The following TUSC3 variants were observed in gnomAD, a reference collection of about 807,000 sequenced individuals.
TUSC3 encodes tumor suppressor candidate 3, also known as dolichyl-diphosphooligosaccharide--protein glycosyltransferase subunit TUSC3.
A neutral mutation model predicts 44.8 loss-of-function variants in TUSC3; 45 were observed. The ratio of observed to expected loss-of-function variants is 1.00; its 90% confidence interval spans 0.79 to 1.29. TUSC3 has a LOEUF of 1.29. TUSC3 is among the 50% of genes most tolerant of loss of function. TUSC3 has a pLI of 0.00. For synonymous variants in TUSC3, 212 were observed against 152.9 expected (o/e 1.39, Z -2.85); for missense variants, 519 against 437.9 (o/e 1.19, Z -1.65).
intron 2 of TUSC3, among the ~76,000 whole-genome samples, chr8:15,647,504 C>A (rs961793503): frequency 1.1e-4 from 17 of 152,074 alleles, no homozygotes; most frequent in Non-Finnish European, 2.4e-4. Context: ...CTTTTCATCT[C>A]GAAGTCTAAA....
chr8:15,710,000 A>G (rs1457622091), intron 6 of TUSC3, among the ~76,000 whole-genome samples: 1 of 151,754 alleles, frequency 6.6e-6, no homozygotes, highest in African/African-American at 2.4e-5. Context: ...TTTCTCCCCT[A>G]TTCCAGGATC....
intron 10 of TUSC3, among the ~76,000 whole-genome samples, chr8:15,760,137 C>G (rs965057740): frequency 2.0e-5 from 3 of 152,060 alleles, no homozygotes; most frequent in Non-Finnish European, 4.4e-5. Flanking sequence ...GTTGCTTCTT[C>G]ATTAAAATTC....
the TUSC3 span, among the ~76,000 whole-genome samples, chr8:15,781,467 T>G: frequency 6.6e-6 from 1 of 152,092 alleles, no homozygotes; most frequent in African/African-American, 2.4e-5. Context: ...AAGAGGGAAC[T>G]TTGAAGGCAG....
intron 1 of TUSC3, among the ~76,000 whole-genome samples, chr8:15,582,852 G>T (rs1047825643): frequency 2.6e-5 from 4 of 152,174 alleles, no homozygotes; most frequent in African/African-American, 9.7e-5. Context: ...CTTTAAATAT[G>T]ATATGTAACA....
chr8:15,842,061 A>G, the TUSC3 span, among the ~76,000 whole-genome samples: 19 of 152,184 alleles, frequency 1.2e-4, no homozygotes, highest in Non-Finnish European at 2.5e-4. Flanking sequence ...CAAGAATGTT[A>G]CCCACGTTTC....
chr8:15,455,377 A>G (rs1163264833), intron 1 of TUSC3, among the ~76,000 whole-genome samples: 1 of 152,074 alleles, frequency 6.6e-6, no homozygotes, highest in Non-Finnish European at 1.5e-5. Flanking sequence ...ATGTATATGT[A>G]TGTATATGTG....
At chr8:15,619,101 A>G (rs1265918065) in intron 1 of TUSC3, among the ~76,000 whole-genome samples, 1 of 152,192 alleles carries the variant, frequency 6.6e-6, no homozygotes, top group Non-Finnish European at 1.5e-5. Flanking sequence ...ATTCAAAGAA[A>G]AATCGTTTTG....
intron 2 of TUSC3, among the ~76,000 whole-genome samples, chr8:15,638,521 T>G (rs971634802): frequency 1.6e-5 from 2 of 123,618 alleles, no homozygotes; most frequent in African/African-American, 6.2e-5. Context: ...TTTTCTTTTT[T>G]TTTTTTTTTT....
At chr8:15,702,253 T>C (rs1159542037) in intron 6 of TUSC3, among the ~76,000 whole-genome samples, 1 of 152,192 alleles carries the variant, frequency 6.6e-6, no homozygotes, top group African/African-American at 2.4e-5. Context: ...CAGAATCTTC[T>C]GTTTGAGTAA....
At chr8:15,487,608 C>G (rs950013745) in intron 2 of TUSC3, among the ~76,000 whole-genome samples, 19 of 152,290 alleles carry the variant, frequency 1.2e-4, no homozygotes, top group African/African-American at 4.3e-4. Context: ...AACACCAGGT[C>G]TGTTTTTAGA....
At chr8:15,850,594 T>C in the TUSC3 span, among the ~76,000 whole-genome samples, 4 of 152,182 alleles carry the variant, frequency 2.6e-5, no homozygotes, top group East Asian at 7.7e-4. Context: ...TTCAGTAGGC[T>C]ATAAGTTACT....
At chr8:15,443,151 TCTTC>T (rs111430826) in intron 1 of TUSC3, among the ~76,000 whole-genome samples, 1,758 of 152,020 alleles carry the variant, frequency 0.012, 31 homozygotes, top group African/African-American at 0.04. Context: ...TTTTCTTTTT[TCTTC>T]CTTCCTTCCT....
the TUSC3 span, among the ~76,000 whole-genome samples, chr8:15,835,812 A>C: frequency 6.6e-6 from 1 of 151,714 alleles, no homozygotes; most frequent in Non-Finnish European, 1.5e-5. Flanking sequence ...TTTAGGTTTT[A>C]TAAATCACTT....
intron 2 of TUSC3, among the ~76,000 whole-genome samples, chr8:15,626,368 G>A (rs1375954989): frequency 6.6e-6 from 1 of 152,200 alleles, no homozygotes; most frequent in Non-Finnish European, 1.5e-5. Context: ...GCAGAGAGGG[G>A]ACCCCAAGGC....
intron 1 of TUSC3, among the ~76,000 whole-genome samples, chr8:15,583,359 G>C (rs1282963352): frequency 6.6e-6 from 1 of 152,154 alleles, no homozygotes; most frequent in Non-Finnish European, 1.5e-5. Flanking sequence ...CTTTAGATTT[G>C]AAAGCTAGAG....
rs559982047 is a variant in TUSC3, at chr8:15,730,153, A to G, written c.799-513A>G. Among the ~76,000 whole-genome samples the G allele has an allele frequency of 3.9e-5, 6 of 152,282 alleles. No individual in the cohort carries two copies. In the East Asian group the frequency reaches 9.6e-4, roughly 24 times the overall value. On this transcript the variant is annotated intron_variant, in intron 6 of 10. Transcript: ENST00000503731. ...TTTCTATAATCAACTGTTATCAACT[A>G]TATACTACTCAGTAGGGTGAAAACA... is the stretch of plus-strand genomic sequence containing the variant.
At chr8:15,633,942 G>A (rs889961977) in intron 2 of TUSC3, among the ~76,000 whole-genome samples, 1 of 152,108 alleles carries the variant, frequency 6.6e-6, no homozygotes, top group Non-Finnish European at 1.5e-5. Flanking sequence ...CATCCCACAA[G>A]GGATGCATAA....
intron 6 of TUSC3, among the ~76,000 whole-genome samples, chr8:15,722,942 AGTTATTTAGT>A (rs1234278989): frequency 6.6e-6 from 1 of 152,104 alleles, no homozygotes; most frequent in African/African-American, 2.4e-5. Context: ...CACAAAATGT[AGTTATTTAGT>A]GTTATTTAGT....
intron 1 of TUSC3, among the ~76,000 whole-genome samples, chr8:15,556,436 C>T (rs1028225366): frequency 1.3e-5 from 2 of 151,412 alleles, no homozygotes; most frequent in African/African-American, 4.8e-5. Context: ...CAAGTCTTTG[C>T]TGTTGTGAAT....
Sources: allele counts gnomAD v4.1 joint callset (sites outside exome capture counted in the v4.1 genomes callset), GRCh38; gene constraint gnomAD v4.1.1; transcripts MANE v1.5; gene names NCBI Gene and HGNC (gene_info 2026-07-23, HGNC 2026-07-21).